Variants in COL22A1 observed in about 807,000 individuals in gnomAD.
COL22A1 encodes collagen type XXII alpha 1 chain.
COL22A1 carries 221 observed loss-of-function variants against 248.9 expected under a neutral mutation model. That is an observed-to-expected ratio of 0.89 (90% CI 0.80 to 0.99). The LOEUF is 0.99. Among genes scored for constraint, COL22A1 ranks in the 50% least tolerant of loss-of-function variants. The pLI is 0.00. For missense variants in COL22A1, 2,240 were observed against 2,179.0 expected (o/e 1.03, Z -0.56); for synonymous variants, 891 against 793.4 (o/e 1.12, Z -2.07).
intron 1 of COL22A1, among the ~76,000 whole-genome samples, chr8:138,891,064 A>G (rs552053461): frequency 1.1e-4 from 16 of 152,202 alleles, no homozygotes; most frequent in Non-Finnish European, 2.4e-4. Context: ...AGCAATGAAC[A>G]ATGCAAAAAG....
chr8:138,772,831 C>T (rs1834494747), intron 16 of COL22A1, among the ~76,000 whole-genome samples: 2 of 152,154 alleles, frequency 1.3e-5, no homozygotes, highest in Non-Finnish European at 2.9e-5. Context: ...CCACTGACTC[C>T]AGCCTGGGCA....
chr8:138,611,830 C>A (rs529182561), intron 56 of COL22A1, among the ~76,000 whole-genome samples: 10 of 152,300 alleles, frequency 6.6e-5, no homozygotes, highest in Non-Finnish European at 1.5e-4. Context: ...CACACACCCC[C>A]TCTCTAGGAT....
At chr8:138,646,925 A>C (rs1822252162) in intron 46 of COL22A1, among the ~76,000 whole-genome samples, 1 of 152,182 alleles carries the variant, frequency 6.6e-6, no homozygotes. Flanking sequence ...TCTCCAAGAT[A>C]GCCTGATGGC....
At chr8:138,737,771 A>G (rs1402074880) in intron 22 of COL22A1, among the ~76,000 whole-genome samples, 194 bp from the exon 23 acceptor site, 2 of 152,104 alleles carry the variant, frequency 1.3e-5, no homozygotes, top group Non-Finnish European at 2.9e-5. Context: ...TGAGGTCAGC[A>G]GTAAGGCTTG....
chr8:138,784,082 T>C (rs1280008984), intron 12 of COL22A1, among the ~76,000 whole-genome samples: 4 of 152,230 alleles, frequency 2.6e-5, no homozygotes, highest in African/African-American at 9.6e-5. Flanking sequence ...ATTGCTTTCA[T>C]TTCAGCAGAG....
intron 3 of COL22A1, among the ~76,000 whole-genome samples, chr8:138,870,888 T>C (rs568051412): frequency 6.6e-6 from 1 of 151,590 alleles, no homozygotes; most frequent in Non-Finnish European, 1.5e-5. Flanking sequence ...TGCATGTGCT[T>C]CTATCTAGGG....
At chr8:138,636,480 AGAAAG>A (rs758849864) in intron 48 of COL22A1, among the ~76,000 whole-genome samples, 524 of 46,562 alleles carry the variant, frequency 0.011, 23 homozygotes, top group African/African-American at 0.024. Flanking sequence ...AAGAGAAGGA[AGAAAG>A]GAAAGGAAAG....
At chr8:138,811,608 C>G (rs9693780) in intron 9 of COL22A1, among the ~76,000 whole-genome samples, 191 bp downstream of exon 9, 41,805 of 151,924 alleles carry the variant, frequency 0.28, 5,991 homozygotes, top group African/African-American at 0.34. Context: ...TTCATCAGGA[C>G]CTGGTATGCA....
chr8:138,880,072 T>A (rs186643448), intron 2 of COL22A1, among the ~76,000 whole-genome samples: 167 of 151,982 alleles, frequency 1.1e-3, no homozygotes, highest in African/African-American at 3.6e-3. Context: ...AACAATCAGA[T>A]AAATGGAAAA....
chr8:138,826,728 C>A lies in COL22A1; in HGVS notation c.899G>T (p.Arg300Leu). 2 of 1,614,036 alleles carry A rather than the reference C, an allele frequency of 1.2e-6. No individual in the cohort carries two copies. Among genetic ancestry groups the A allele is most frequent in the Non-Finnish European group, 1.7e-6 (2 of 1,179,988 alleles). The change falls in exon 6 of 65, where the codon CGG becomes CTG. Residue 300 changes from arginine (R) to leucine (L), a missense_variant. Coordinates refer to ENST00000303045, the MANE Select transcript of COL22A1 (RefSeq NM_152888.3). The part of the protein sequence containing the change: ...PDEYAFVTTF[R>L]FRKTSRKEDW... ...TTCCTTCCGAGAGGTTTTCCTGAAC[C>A]GGAAGGTTGTGACAAAGGCGTACTC...
intron 48 of COL22A1, among the ~76,000 whole-genome samples, chr8:138,635,463 T>G (rs1316462265): frequency 6.6e-6 from 1 of 152,018 alleles, no homozygotes; most frequent in African/African-American, 2.4e-5. Flanking sequence ...AAAAAACAAA[T>G]AAATGCACAG....
rs557916798 is a variant in COL22A1, at chr8:138,680,849, T to G, written c.3013-1173A>C. 2.6e-5 allele frequency among the ~76,000 whole-genome samples: 4 copies of G among 152,360 alleles called. No homozygotes were observed. The South Asian group carries it at 8.3e-4, about 32-fold the overall frequency. ...CATTTACACAATATCAACACTGGAA[T>G]GGGTCATGTGTTTAGACATCTCACA... On this transcript the variant is annotated intron_variant, in intron 39 of 64. Transcript: ENST00000303045.
At chr8:138,821,435 T>A (rs1400887323) in intron 6 of COL22A1, 24 bp from the exon 7 acceptor site, 1 of 1,600,660 alleles carries the variant, frequency 6.2e-7, no homozygotes, top group African/African-American at 1.3e-5. Flanking sequence ...GACCAGAGAC[T>A]CCTTGAGCTT....
intron 4 of COL22A1, among the ~76,000 whole-genome samples, chr8:138,835,869 A>G (rs951408319): frequency 5.9e-5 from 9 of 152,188 alleles, no homozygotes; most frequent in South Asian, 4.1e-4. Flanking sequence ...CTATGATAAC[A>G]ATTTACATGC....
intron 52 of COL22A1, among the ~76,000 whole-genome samples, chr8:138,620,988 T>TCCAC (rs1385779681): frequency 3.1e-4 from 39 of 126,822 alleles, no homozygotes; most frequent in Non-Finnish European, 5.5e-4. Flanking sequence ...CATCCATCCA[T>TCCAC]CCATCCACCC....
chr8:138,898,508 G>A (rs1270171311), intron 1 of COL22A1, among the ~76,000 whole-genome samples: 1 of 151,960 alleles, frequency 6.6e-6, no homozygotes, highest in Admixed American at 6.6e-5. Flanking sequence ...ATAGTTTATG[G>A]GATTGGGATG....
chr8:138,823,797 T>C (rs866340799), intron 6 of COL22A1, among the ~76,000 whole-genome samples: 1 of 152,222 alleles, frequency 6.6e-6, no homozygotes, highest in African/African-American at 2.4e-5. Flanking sequence ...CCATCCATGC[T>C]TTTAAACAGG....
At chr8:138,854,911 G>A (rs1366079166) in intron 3 of COL22A1, among the ~76,000 whole-genome samples, 2 of 152,058 alleles carry the variant, frequency 1.3e-5, no homozygotes, top group South Asian at 2.1e-4. Flanking sequence ...TGGTGGTGAT[G>A]GTGATGCTGA....
chr8:138,741,474 G>C (rs1320439162), intron 22 of COL22A1, among the ~76,000 whole-genome samples: 2 of 152,164 alleles, frequency 1.3e-5, no homozygotes, highest in Admixed American at 6.5e-5. Context: ...CTGAGTCTTT[G>C]TTTTCCCACA....
Sources: allele counts gnomAD v4.1 joint callset (sites outside exome capture counted in the v4.1 genomes callset), GRCh38; gene constraint gnomAD v4.1.1; transcripts MANE v1.5; gene names NCBI Gene and HGNC (gene_info 2026-07-23, HGNC 2026-07-21).